The following APBA2 variants were observed in gnomAD, a reference collection of about 807,000 sequenced individuals.
APBA2 encodes amyloid-beta A4 precursor protein-binding family A member 2.
Under a neutral mutation model 75.0 loss-of-function variants are expected in APBA2, and 30 were observed. The ratio of observed to expected loss-of-function variants is 0.40; its 90% confidence interval spans 0.30 to 0.54. The LOEUF (loss-of-function observed/expected upper bound fraction) is 0.54, where lower values mean the gene tolerates loss of function less well. Among genes scored for constraint, APBA2 ranks in the 20% least tolerant of loss-of-function variants. The probability of loss-of-function intolerance (pLI) is 0.49; values close to 1 mark genes in which losing one functional copy is unlikely to be tolerated. For synonymous variants in APBA2, 444 were observed against 409.6 expected (o/e 1.08, Z -1.01); for missense variants, 801 against 1,016.1 (o/e 0.79, Z 2.88).
intron 1 of APBA2, among the ~76,000 whole-genome samples, chr15:28,902,058 G>C (rs1260922379): frequency 6.6e-6 from 1 of 151,520 alleles, no homozygotes. Context: ...ACAGATGGGG[G>C]CTCATAAAAA....
chr15:29,001,635 ATCTTGCTGGTTTCCTTCCCT>A (rs2038852931), intron 3 of APBA2, among the ~76,000 whole-genome samples: 2 of 152,212 alleles, frequency 1.3e-5, no homozygotes, highest in Non-Finnish European at 2.9e-5. Context: ...GAGTTTTCCC[ATCTTGCTGGTTTCCTTCCCT>A]GGAAGAGGCA....
chr15:29,058,229 G>A (rs1159785032), intron 4 of APBA2, among the ~76,000 whole-genome samples: 1 of 152,074 alleles, frequency 6.6e-6, no homozygotes. Flanking sequence ...ATGAGTTGCC[G>A]GCTGGGTGCA....
chr15:29,055,668 AGTGTGTGT>A lies in APBA2; in HGVS notation c.951+870_951+877del, dbSNP rs57671107. Reference sequence around the variant, plus strand: ...TTTCCGAGAAGAGTTCATGAATTTGAGTGTGTGTGTGTGTGTGTGTGTGTGTGTGTGTG... The same window carrying A: ...TTTCCGAGAAGAGTTCATGAATTTGAGTGTGTGTGTGTGTGTGTGTGTGTG... On this transcript the variant is annotated intron_variant, in intron 4 of 14. Coordinates refer to ENST00000683413, the MANE Select transcript of APBA2 (RefSeq NM_001353788.2). 4.1e-3 allele frequency among the ~76,000 whole-genome samples: 525 copies of A among 127,520 alleles called. 2 individuals are homozygous for A. Among genetic ancestry groups the A allele is most frequent in the African/African-American group, 0.01 (364 of 35,968 alleles). The allele number at this position is 127,520 out of a possible 152,430, so 83.7% of individuals were successfully genotyped here. A position where few individuals can be genotyped will look rare whatever the true frequency, so the allele number is the denominator to read the frequency against.
chr15:29,009,992 C>G (rs575005404), intron 3 of APBA2, among the ~76,000 whole-genome samples: 1 of 152,106 alleles, frequency 6.6e-6, no homozygotes, highest in Non-Finnish European at 1.5e-5. Flanking sequence ...CTTTTTCTGA[C>G]GTGATTGTAC....
chr15:29,095,408 C>T (rs2043803436), intron 8 of APBA2, among the ~76,000 whole-genome samples: 1 of 147,104 alleles, frequency 6.8e-6, no homozygotes. Flanking sequence ...CCAGCCTGGG[C>T]AACACGAGCG....
chr15:28,891,941 T>A lies in APBA2; in HGVS notation c.-205+5663T>A, dbSNP rs572864243. 3.3e-5 allele frequency among the ~76,000 whole-genome samples: 5 copies of A among 152,314 alleles called. No individual in the cohort carries two copies. The South Asian group carries it at 8.3e-4, about 25-fold the overall frequency. ...GCAGTTACTTTATTTTTTAAAAAAATTTAATGTAGCCTAAGTGTACAATAT... is the reference window on the plus strand; with the variant it reads ...GCAGTTACTTTATTTTTTAAAAAAAATTAATGTAGCCTAAGTGTACAATAT... On this transcript the variant is annotated intron_variant, in intron 1 of 14. Transcript: ENST00000683413.
At chr15:29,101,924 T>C (rs1449506345) in intron 10 of APBA2, 140 bp downstream of exon 10, 1 of 856,562 alleles carries the variant, frequency 1.2e-6, no homozygotes, top group Admixed American at 2.0e-5. Context: ...CAGTGATCTT[T>C]TGCATACTCT....
At chr15:28,890,843 T>C (rs2032083456) in intron 1 of APBA2, among the ~76,000 whole-genome samples, 1 of 152,244 alleles carries the variant, frequency 6.6e-6, no homozygotes, top group African/African-American at 2.4e-5. Context: ...CACGTAGCCT[T>C]GGGCCTGTGT....
At chr15:29,020,499 A>G (rs1448038282) in intron 3 of APBA2, among the ~76,000 whole-genome samples, 1 of 151,984 alleles carries the variant, frequency 6.6e-6, no homozygotes, top group Admixed American at 6.6e-5. Flanking sequence ...TGACTTTTTT[A>G]AAAAATATAT....
intron 2 of APBA2, among the ~76,000 whole-genome samples, chr15:28,949,739 G>A (rs2035749844): frequency 1.3e-5 from 2 of 152,180 alleles, no homozygotes; most frequent in Non-Finnish European, 2.9e-5. Flanking sequence ...AAAGTGCTGG[G>A]ATTTCAGGCG....
intron 4 of APBA2, among the ~76,000 whole-genome samples, chr15:29,065,076 G>A (rs1030991378): frequency 1.3e-5 from 2 of 152,010 alleles, no homozygotes; most frequent in African/African-American, 2.4e-5. Flanking sequence ...CTCATCTGCC[G>A]GTGGGGTGTC....
At chr15:28,890,042 C>T (rs145213270) in intron 1 of APBA2, among the ~76,000 whole-genome samples, 1,875 of 150,548 alleles carry the variant, frequency 0.012, 46 homozygotes, top group African/African-American at 0.043. Flanking sequence ...AGTGAGTGAA[C>T]GAAACACGGG....
chr15:29,110,909 C>T (rs2152978663), intron 13 of APBA2, among the ~76,000 whole-genome samples: 1 of 152,230 alleles, frequency 6.6e-6, no homozygotes, highest in Non-Finnish European at 1.5e-5. Context: ...CCAGGGCTCG[C>T]TCCAGCTGCC....
At chr15:28,888,762 T>G (rs1166026158) in intron 1 of APBA2, among the ~76,000 whole-genome samples, 1 of 152,108 alleles carries the variant, frequency 6.6e-6, no homozygotes, top group African/African-American at 2.4e-5. Context: ...CGGGCGGTCC[T>G]GGCTGTATCA....
chr15:29,034,323 C>T (rs1388979275), intron 3 of APBA2, among the ~76,000 whole-genome samples: 2 of 152,182 alleles, frequency 1.3e-5, no homozygotes, highest in East Asian at 3.9e-4. Flanking sequence ...CTGGCATCAC[C>T]AACCTCCATC....
rs2041791855 is a variant in APBA2 at position 29,054,614 on chromosome 15, A to G, written c.730A>G (p.Ser244Gly). The G allele has an allele frequency of 1.2e-6, 2 of 1,614,140 alleles. No individual in the cohort carries two copies. The highest frequency in any genetic ancestry group is 1.3e-5 in the African/African-American group (1 of 75,060). The change falls in exon 4 of 15, where the codon AGC (serine) becomes GGC (glycine). Residue 244 changes from serine (S) to glycine (G), a missense_variant. Ser to Gly is a moderately conservative substitution (Grantham distance 56). Around this residue, in one of 2 missense-constraint regions of APBA2, gnomAD observed 434 missense variants for 471.6 expected, o/e 0.92. Coordinates refer to ENST00000683413, the MANE Select transcript of APBA2 (RefSeq NM_001353788.2). This position sits in a 1 kb window ranked among gnomAD's most constrained non-coding sequence, Gnocchi z 6.1. ...KMSLSMTSIT[S>G]ASEASPEHGP... ...GAGTCTGAGCATGACCAGCATCACC[A>G]GCGCCAGTGAGGCCAGCCCCGAGCA...
chr15:28,953,238 C>T (rs750959432), intron 2 of APBA2, among the ~76,000 whole-genome samples: 1 of 152,154 alleles, frequency 6.6e-6, no homozygotes, highest in African/African-American at 2.4e-5. Context: ...ATAGTTGGCT[C>T]AAAAGTCAGC....
intron 3 of APBA2, among the ~76,000 whole-genome samples, chr15:29,036,201 C>T (rs558121629): frequency 6.6e-6 from 1 of 152,260 alleles, no homozygotes; most frequent in Non-Finnish European, 1.5e-5. Flanking sequence ...GCCTCAGTGC[C>T]TGACAGATGG....
At chr15:28,970,710 A>G (rs902484734) in intron 2 of APBA2, among the ~76,000 whole-genome samples, 3 of 151,716 alleles carry the variant, frequency 2.0e-5, no homozygotes, top group Admixed American at 6.6e-5. Flanking sequence ...AGAAAATTTC[A>G]TATGGTATGA....
Sources: gnomAD v4.1 joint callset for allele counts (sites outside exome capture counted in the v4.1 genomes callset) on GRCh38, gnomAD v4.1.1 for gene constraint, gnomAD v4.1.1 regional missense constraint, Gnocchi (gnomAD v3.1) non-coding constraint, MANE v1.5 for transcripts, NCBI Gene and HGNC (gene_info 2026-07-23, HGNC 2026-07-21) for gene names.